Variants in PHF20 observed in about 807,000 individuals in gnomAD.
The protein encoded by PHF20 is PHD finger protein 20.
In PHF20, 23 loss-of-function variants were observed where a neutral mutation model predicts 113.5. The ratio of observed to expected loss-of-function variants is 0.20; its 90% confidence interval spans 0.15 to 0.29. The LOEUF (loss-of-function observed/expected upper bound fraction) is 0.29, where lower values mean the gene tolerates loss of function less well. Ranked by LOEUF, PHF20 falls within the 10% of genes least tolerant of loss-of-function variation. The probability of loss-of-function intolerance (pLI) is 1.00; values close to 1 mark genes in which losing one functional copy is unlikely to be tolerated. For missense variants in PHF20, 943 were observed against 1,219.6 expected (o/e 0.77, Z 3.38); for synonymous variants, 434 against 457.3 (o/e 0.95, Z 0.65).
At chr20:35,843,435 C>T (rs1568640237) in intron 3 of PHF20, among the ~76,000 whole-genome samples, 1 of 148,642 alleles carries the variant, frequency 6.7e-6, no homozygotes, top group Non-Finnish European at 1.5e-5. Context: ...AGGAGAATCG[C>T]TTGAACCCAG....
intron 15 of PHF20, among the ~76,000 whole-genome samples, chr20:35,931,843 T>A (rs942678319): frequency 1.2e-4 from 18 of 151,564 alleles, no homozygotes; most frequent in African/African-American, 4.1e-4. Flanking sequence ...CTCAGCTACT[T>A]GGGAGGCTGA....
chr20:35,949,826 G>C lies in PHF20; in HGVS notation c.*2199G>C, dbSNP rs1205065401. 6.6e-6 allele frequency: 1 copy of C among 152,668 alleles called. No individual in the cohort carries two copies. Among genetic ancestry groups the C allele is most frequent in the Non-Finnish European group, 1.5e-5 (1 of 68,080 alleles). 9.5% of individuals were successfully genotyped at this position (152,668 alleles called of 1,614,324 possible). The stretch of plus-strand genomic sequence containing the variant: ...CCAGCACTTTGGGAGGCCGAGGCAG[G>C]TGGATCACCTGAGGTCAGGAGTTCG... On this transcript the variant is annotated 3_prime_UTR_variant, in exon 18 of 18. Coordinates refer to ENST00000374012, the MANE Select transcript of PHF20 (RefSeq NM_016436.5).
chr20:35,877,726 G>T (rs2054557624), intron 9 of PHF20, among the ~76,000 whole-genome samples: 1 of 152,006 alleles, frequency 6.6e-6, no homozygotes, highest in African/African-American at 2.4e-5. Context: ...TGTCTCATTG[G>T]TTGATACTCT....
At chr20:35,822,168 C>T (rs1387347010) in intron 2 of PHF20, among the ~76,000 whole-genome samples, 1 of 152,074 alleles carries the variant, frequency 6.6e-6, no homozygotes, top group Non-Finnish European at 1.5e-5. Flanking sequence ...CTTTGGGAGG[C>T]CAAGACGGAA....
chr20:35,906,197 C>T (rs2055197757), intron 10 of PHF20, among the ~76,000 whole-genome samples: 1 of 152,256 alleles, frequency 6.6e-6, no homozygotes, highest in Non-Finnish European at 1.5e-5. Flanking sequence ...GTGGGCACCT[C>T]TTCATTGCCA....
chr20:35,847,469 G>T (rs1222276899), intron 4 of PHF20, 35 bp downstream of exon 4: 6 of 1,326,002 alleles, frequency 4.5e-6, no homozygotes, highest in South Asian at 2.4e-5. Context: ...TTTTACTCAT[G>T]ACTTAGGTGG....
At chr20:35,862,419 C>G (rs1251697889) in intron 5 of PHF20, among the ~76,000 whole-genome samples, 2 of 152,198 alleles carry the variant, frequency 1.3e-5, no homozygotes, top group Non-Finnish European at 2.9e-5. Flanking sequence ...ACACCTTTGT[C>G]AGAAAGATTG....
At chr20:35,812,372 T>C (rs2041993805) in intron 2 of PHF20, among the ~76,000 whole-genome samples, 1 of 152,084 alleles carries the variant, frequency 6.6e-6, no homozygotes, top group African/African-American at 2.4e-5. Flanking sequence ...TGAGCAGAGA[T>C]CGAGCCACTG....
chr20:35,947,088 C>T (rs2056098990), intron 17 of PHF20, among the ~76,000 whole-genome samples: 1 of 152,190 alleles, frequency 6.6e-6, no homozygotes, highest in African/African-American at 2.4e-5. Flanking sequence ...TAACAGTAGC[C>T]TCTGGCAATG....
intron 9 of PHF20, among the ~76,000 whole-genome samples, chr20:35,892,951 T>C (rs1206674777): frequency 1.3e-5 from 2 of 152,260 alleles, no homozygotes; most frequent in African/African-American, 4.8e-5. Context: ...AAACAGAAAC[T>C]ACTTTGTCTT....
At chr20:35,941,094 A>C (rs1600974938) in intron 17 of PHF20, 47 bp downstream of exon 17, 1 of 1,518,108 alleles carries the variant, frequency 6.6e-7, no homozygotes, top group Admixed American at 1.8e-5. Context: ...GCAGTCGAGC[A>C]CCCCCAGACG....
At chr20:35,815,153 C>T (rs576775063) in intron 2 of PHF20, among the ~76,000 whole-genome samples, 5 of 151,924 alleles carry the variant, frequency 3.3e-5, no homozygotes, top group South Asian at 2.1e-4. Flanking sequence ...GCTGAGATTG[C>T]GACACTGGAC....
intron 2 of PHF20, among the ~76,000 whole-genome samples, chr20:35,833,220 A>G (rs1399795369): frequency 6.6e-6 from 1 of 152,152 alleles, no homozygotes; most frequent in Non-Finnish European, 1.5e-5. Flanking sequence ...GACATTGGCT[A>G]TACTGGTCTT....
chr20:35,943,681 C>G (rs1203269601), intron 17 of PHF20, among the ~76,000 whole-genome samples: 1 of 151,994 alleles, frequency 6.6e-6, no homozygotes, highest in Admixed American at 6.6e-5. Flanking sequence ...AGTGCAGTGG[C>G]ACGATCTCGG....
chr20:35,840,547 C>T (rs1030262283), intron 2 of PHF20, among the ~76,000 whole-genome samples: 3 of 152,136 alleles, frequency 2.0e-5, no homozygotes, highest in Non-Finnish European at 4.4e-5. Flanking sequence ...ACAATCGTAG[C>T]TGTGATCTGG....
rs2056135486 is a variant in PHF20 at position 35,949,177 on chromosome 20, A to G, written c.*1550A>G. ...GAATACACGTGGCTATAACATCTATAACAAAACGACGATTCCTCTACAAGA... is the reference window on the plus strand; with the variant it reads ...GAATACACGTGGCTATAACATCTATGACAAAACGACGATTCCTCTACAAGA... On this transcript the variant is annotated 3_prime_UTR_variant, in exon 18 of 18. Coordinates refer to ENST00000374012, the MANE Select transcript of PHF20 (RefSeq NM_016436.5). 6.6e-6 allele frequency: 1 copy of G among 152,586 alleles called. No individual in the cohort carries two copies. The highest frequency in any genetic ancestry group is 2.1e-4 in the South Asian group (1 of 4,834). 9.5% of individuals were successfully genotyped at this position (152,586 alleles called of 1,614,324 possible).
At chr20:35,915,089 T>C (rs1477139987) in intron 12 of PHF20, among the ~76,000 whole-genome samples, 2 of 148,594 alleles carry the variant, frequency 1.3e-5, no homozygotes, top group Non-Finnish European at 3.0e-5. Flanking sequence ...CTTACACACA[T>C]ATATATATGT....
chr20:35,929,802 A>G (rs773552754), intron 14 of PHF20, among the ~76,000 whole-genome samples: 1 of 152,236 alleles, frequency 6.6e-6, no homozygotes, highest in Non-Finnish European at 1.5e-5. Flanking sequence ...GTCTACCTTT[A>G]TAGACTGACT....
At chr20:35,821,983 T>C (rs2042176646) in intron 2 of PHF20, among the ~76,000 whole-genome samples, 1 of 152,222 alleles carries the variant, frequency 6.6e-6, no homozygotes, top group Admixed American at 6.5e-5. Flanking sequence ...AGGGAGATGA[T>C]AAGCAGTTTG....
Sources: allele counts gnomAD v4.1 joint callset (sites outside exome capture counted in the v4.1 genomes callset), GRCh38; gene constraint gnomAD v4.1.1; transcripts MANE v1.5; gene names NCBI Gene and HGNC (gene_info 2026-07-23, HGNC 2026-07-21).